The following MDM1 variants were observed in gnomAD, a reference collection of about 807,000 sequenced individuals.
MDM1 encodes the protein Mdm1 nuclear protein.
Under a neutral mutation model 89.1 loss-of-function variants are expected in MDM1, and 61 were observed. That is an observed-to-expected ratio of 0.68 (90% CI 0.56 to 0.85). The LOEUF is 0.85. Ranked by LOEUF, MDM1 falls within the 40% of genes least tolerant of loss-of-function variation. The pLI, the probability that MDM1 is intolerant of heterozygous loss-of-function variation, is 0.00. For synonymous variants in MDM1, 290 were observed against 294.1 expected, an observed-to-expected ratio of 0.99 and a Z score of 0.14; for missense variants, 820 against 846.5, an observed-to-expected ratio of 0.97 and a Z score of 0.39.
rs578216050 is a variant in MDM1 at position 68,325,031 on chromosome 12, T to C, written c.633+410A>G. On this transcript the variant is annotated intron_variant, in intron 4 of 14. Coordinates refer to ENST00000682720, the MANE Select transcript of MDM1 (RefSeq NM_001354969.2). ...TACTGTCAACATATTTTGTATTTAT[T>C]AAATATTCAAAGCAGTTACGCCTTT... The C allele has an allele frequency of 2.3e-5, 23 of 979,652 alleles. No homozygotes were observed. In the Admixed American group the frequency reaches 1.1e-3, roughly 47 times the overall value. The allele number at this position is 979,652 out of a possible 1,614,324, so 60.7% of individuals were successfully genotyped here.
chr12:68,316,345 G>C lies in MDM1; in HGVS notation c.1036-92C>G, dbSNP rs972131110. 3 of 1,372,048 alleles carry C rather than the reference G, an allele frequency of 2.2e-6. No homozygotes were observed. The African/African-American group carries it at 4.4e-5, about 20-fold the overall frequency. 85.0% of individuals were successfully genotyped at this position (1,372,048 alleles called of 1,614,324 possible). The stretch of plus-strand genomic sequence containing the variant: ...ATATCAAAGACATTGCACAAATACA[G>C]CCAGGGACCAAAGACAAAGGAAGGC... On this transcript the variant is annotated intron_variant, in intron 8 of 14. Transcript: ENST00000682720.
At chr12:68,322,822 A>T (rs1205762502) in intron 5 of MDM1, among the ~76,000 whole-genome samples, 1 of 152,096 alleles carries the variant, frequency 6.6e-6, no homozygotes, top group Non-Finnish European at 1.5e-5. Flanking sequence ...AGTACTCATC[A>T]TGCTGTATCA....
At chr12:68,317,051 A>C (rs1874595356) in intron 7 of MDM1, among the ~76,000 whole-genome samples, 1 of 152,104 alleles carries the variant, frequency 6.6e-6, no homozygotes, top group African/African-American at 2.4e-5. Flanking sequence ...TTTTTTTAAA[A>C]AAGTACTAAA....
intron 10 of MDM1, among the ~76,000 whole-genome samples, chr12:68,314,015 T>C (rs1874096001): frequency 6.6e-6 from 1 of 151,728 alleles, no homozygotes; most frequent in East Asian, 1.9e-4. Context: ...CGGGCACCTG[T>C]AGTCCCAGCT....
intron 4 of MDM1, chr12:68,323,442 T>C (rs901673109): frequency 1.4e-5 from 6 of 440,096 alleles, no homozygotes; most frequent in Non-Finnish European, 2.4e-5. Flanking sequence ...AATAACAGTT[T>C]TGTAATCAAA....
Position 68,331,142 on chromosome 12 carries a change from T to C in MDM1, c.98A>G (p.Lys33Arg), listed in dbSNP as rs746876394. Reference protein sequence around the residue: ...SESCNSSVGRKYPWAGLRSDQ... With the variant: ...SESCNSSVGRRYPWAGLRSDQ... ...TGATCTAAGTCCAGCCCATGGGTAC[T>C]TTCGCCCCACGGAGGAATTACAAGA... The change falls in exon 2 of 15, where the codon AAG (lysine) becomes AGG (arginine). Residue 33 changes from lysine (K) to arginine (R), a missense_variant. Lys to Arg is a conservative substitution (Grantham distance 26). Coordinates refer to ENST00000682720, the MANE Select transcript of MDM1 (RefSeq NM_001354969.2). 1 of 1,610,718 alleles carries C rather than the reference T, an allele frequency of 6.2e-7. No homozygotes were observed. Among genetic ancestry groups the C allele is most frequent in the South Asian group, 1.1e-5 (1 of 91,034 alleles).
chr12:68,315,824 C>T (rs1367579131), intron 9 of MDM1, among the ~76,000 whole-genome samples: 2 of 152,278 alleles, frequency 1.3e-5, no homozygotes, highest in East Asian at 1.9e-4. Context: ...ATCATCCCTA[C>T]TCCGCTATTA....
intron 12 of MDM1, among the ~76,000 whole-genome samples, chr12:68,305,454 A>G (rs1872743823): frequency 6.6e-6 from 1 of 152,188 alleles, no homozygotes; most frequent in South Asian, 2.1e-4. Flanking sequence ...CTAAATAGAA[A>G]AAGAGGAAGT....
intron 8 of MDM1, 103 bp from the exon 9 acceptor site, chr12:68,316,356 A>C: frequency 7.6e-7 from 1 of 1,309,348 alleles, no homozygotes; most frequent in Non-Finnish European, 1.0e-6. Context: ...CCAGGGACCA[A>C]AGACAAAGGA....
At position 68,294,730 on chromosome 12, in the gene MDM1, T is replaced by A. The variant is rs1256733803; in HGVS notation, c.*524A>T. Reference sequence around the variant, plus strand: ...ATACATATCTTTCAGCAAACTTTGTTACATAAATAAGAAAAATATATACAG... The same window carrying A: ...ATACATATCTTTCAGCAAACTTTGTAACATAAATAAGAAAAATATATACAG... On this transcript the variant is annotated 3_prime_UTR_variant, in exon 15 of 15. Transcript: ENST00000682720. 1 of 152,220 alleles carries A rather than the reference T, an allele frequency of 6.6e-6. No individual in the cohort carries two copies. The highest frequency in any genetic ancestry group is 1.5e-5 in the Non-Finnish European group (1 of 68,034). 9.4% of individuals were successfully genotyped at this position (152,220 alleles called of 1,614,324 possible).
rs368459087 is a variant in MDM1 at position 68,318,732 on chromosome 12, A to T, written c.1006-2122T>A. Among the ~76,000 whole-genome samples the T allele has an allele frequency of 1.5e-3, 223 of 152,268 alleles. 1 individual carries two copies. The highest frequency in any genetic ancestry group is 4.9e-3 in the African/African-American group (203 of 41,540). ...AAAGGATAGAAATAAACCATTCCCA[A>T]CTCAACAACATACACACACCTTTCT... On this transcript the variant is annotated intron_variant, in intron 7 of 14. Coordinates refer to ENST00000682720, the MANE Select transcript of MDM1 (RefSeq NM_001354969.2).
rs757944968 is a variant in MDM1 at position 68,323,240 on chromosome 12, C to A, written c.634G>T (p.Val212Phe). ...ACAAACTGGCTTTTATTGTGGAAAA[C>A]CTTAAAACAAAAATTATTTTAGTTT... ...ETAPAFAANQ[V>F]FHNKSQFVPP... is the part of the protein sequence containing the mutation. The change falls in exon 5 of 15, where the codon GTT becomes TTT. Residue 212 changes from valine (V) to phenylalanine (F), a missense_variant and splice_region_variant. Transcript: ENST00000682720. The A allele has an allele frequency of 1.2e-5, 19 of 1,536,254 alleles. No individual in the cohort carries two copies. The highest frequency in any genetic ancestry group is 1.7e-5 in the Non-Finnish European group (19 of 1,149,680).
In MDM1 at chr12:68,305,931, A is replaced by G. The variant is rs78388771; in HGVS notation, c.1750-3059T>C. Among the ~76,000 whole-genome samples the G allele has an allele frequency of 6.6e-5, 10 of 150,818 alleles. 1 individual carries two copies. In the Middle Eastern group the frequency reaches 0.014, roughly 207 times the overall value. ...TTCATAAGGAAGCAAAAAAAAAAAAAGGGCCCAAAGCAATCCTAAGCAAAA... is the reference window on the plus strand; with the variant it reads ...TTCATAAGGAAGCAAAAAAAAAAAAGGGGCCCAAAGCAATCCTAAGCAAAA... On this transcript the variant is annotated intron_variant, in intron 12 of 14. Coordinates refer to ENST00000682720, the MANE Select transcript of MDM1 (RefSeq NM_001354969.2).
Position 68,331,145 on chromosome 12 carries a change from C to A in MDM1, c.95G>T (p.Arg32Leu), listed in dbSNP as rs560131886. 6.2e-7 allele frequency: 1 copy of A among 1,610,878 alleles called. No individual in the cohort carries two copies. Among genetic ancestry groups the A allele is most frequent in the Non-Finnish European group, 8.5e-7 (1 of 1,177,156 alleles). Residue 32 changes from arginine to leucine, a missense_variant, in exon 2 of 15, where the codon CGA (arginine) becomes CTA (leucine). Arg to Leu is a moderately radical substitution (Grantham distance 102, BLOSUM62 -2). Coordinates refer to ENST00000682720, the MANE Select transcript of MDM1 (RefSeq NM_001354969.2). ...TCTAAGTCCAGCCCATGGGTACTTT[C>A]GCCCCACGGAGGAATTACAAGACTC... ...LSESCNSSVGRKYPWAGLRSD... is the reference protein window; with the variant it reads ...LSESCNSSVGLKYPWAGLRSD...
intron 2 of MDM1, among the ~76,000 whole-genome samples, chr12:68,330,138 T>A (rs929807102): frequency 6.6e-6 from 1 of 152,204 alleles, no homozygotes; most frequent in Non-Finnish European, 1.5e-5. Flanking sequence ...ATGTTATGTA[T>A]CACACTTCCC....
chr12:68,323,966 C>T (rs1213857476), intron 4 of MDM1, among the ~76,000 whole-genome samples: 1 of 152,124 alleles, frequency 6.6e-6, no homozygotes, highest in East Asian at 1.9e-4. Context: ...ATAAGACATC[C>T]TTTCAGAAAG....
At chr12:68,317,761 T>C (rs1399069344) in intron 7 of MDM1, among the ~76,000 whole-genome samples, 1 of 152,244 alleles carries the variant, frequency 6.6e-6, no homozygotes. Context: ...GAATTAACTC[T>C]ACTGAACTTC....
chr12:68,323,360 T>A (rs1390225441), intron 4 of MDM1, 120 bp from the exon 5 acceptor site: 1 of 660,878 alleles, frequency 1.5e-6, no homozygotes, highest in African/African-American at 1.9e-5. Context: ...AAGTTATATA[T>A]GATTTTAATT....
chr12:68,325,669 C>A, intron 3 of MDM1, 94 bp from the exon 4 acceptor site: 1 of 1,373,542 alleles, frequency 7.3e-7, no homozygotes, highest in South Asian at 2.1e-5. Flanking sequence ...TGAAATCTAT[C>A]CTCTTAACAA....
Sources: allele counts gnomAD v4.1 joint callset (sites outside exome capture counted in the v4.1 genomes callset), GRCh38; gene constraint gnomAD v4.1.1; transcripts MANE v1.5; gene names NCBI Gene and HGNC (gene_info 2026-07-23, HGNC 2026-07-21).